FBXW7: variants seen among roughly 807,000 people sequenced by gnomAD.
FBXW7 encodes F-box/WD repeat-containing protein 7.
A neutral mutation model predicts 86.3 loss-of-function variants in FBXW7; 11 were observed. That is an observed-to-expected ratio of 0.13 (90% CI 0.08 to 0.21). FBXW7 has a LOEUF of 0.21. FBXW7 is among the 10% of genes least tolerant of loss of function. The probability of loss-of-function intolerance (pLI) is 1.00; values close to 1 mark genes in which losing one functional copy is unlikely to be tolerated. For synonymous variants in FBXW7, 313 were observed against 297.9 expected (o/e 1.05, Z -0.52); for missense variants, 488 against 847.4 (o/e 0.58, Z 5.27).
intron 3 of FBXW7, 102 bp from the exon 4 acceptor site, chr4:152,411,974 A>G (rs1579128662): frequency 9.1e-7 from 1 of 1,097,220 alleles, no homozygotes; most frequent in Non-Finnish European, 1.2e-6. Context: ...ATGATTGCAA[A>G]AAAGTATTGA....
At chr4:152,415,967 A>C (rs543239837) in intron 2 of FBXW7, among the ~76,000 whole-genome samples, 16 of 152,140 alleles carry the variant, frequency 1.1e-4, no homozygotes, top group African/African-American at 3.4e-4. Flanking sequence ...TCCTGACTTT[A>C]CTCATTTCCA....
At chr4:152,457,665 A>G (rs1426940201) in intron 2 of FBXW7, among the ~76,000 whole-genome samples, 11 of 148,664 alleles carry the variant, frequency 7.4e-5, no homozygotes, top group Non-Finnish European at 1.5e-5. Flanking sequence ...AAAAAAAAAA[A>G]GAACTCAATA....
At chr4:152,370,455 T>C (rs540666697) in intron 4 of FBXW7, among the ~76,000 whole-genome samples, 23 of 152,100 alleles carry the variant, frequency 1.5e-4, no homozygotes, top group African/African-American at 5.3e-4. Flanking sequence ...TGGGGAGTGC[T>C]ACCTTTACTT....
intron 4 of FBXW7, among the ~76,000 whole-genome samples, chr4:152,381,790 TTGGAACACTTTTTAACG>T (rs1252894263): frequency 6.6e-6 from 1 of 152,142 alleles, no homozygotes; most frequent in East Asian, 1.9e-4. Context: ...GCCTAAGGAT[TTGGAACACTTTTTAACG>T]AATGAAATGC....
intron 4 of FBXW7, among the ~76,000 whole-genome samples, chr4:152,400,140 T>C (rs1055719481): frequency 4.6e-5 from 7 of 152,206 alleles, no homozygotes; most frequent in East Asian, 1.9e-4. Flanking sequence ...GACCAGAATA[T>C]GGTACAGTGA....
At chr4:152,339,481 G>T (rs1011200380) in intron 6 of FBXW7, among the ~76,000 whole-genome samples, 1 of 152,038 alleles carries the variant, frequency 6.6e-6, no homozygotes, top group Non-Finnish European at 1.5e-5. Context: ...TCTCCATTTG[G>T]TATCAATAGA....
intron 2 of FBXW7, among the ~76,000 whole-genome samples, chr4:152,459,118 T>C (rs1336420900): frequency 6.6e-6 from 1 of 152,190 alleles, no homozygotes; most frequent in Non-Finnish European, 1.5e-5. Flanking sequence ...AGTGGTGTTC[T>C]CTACTGTCTA....
chr4:152,457,011 A>G (rs746749296), intron 2 of FBXW7, among the ~76,000 whole-genome samples: 17 of 152,242 alleles, frequency 1.1e-4, no homozygotes, highest in Non-Finnish European at 2.2e-4. Flanking sequence ...TGTACTATAT[A>G]CTAAAAATGA....
intron 4 of FBXW7, among the ~76,000 whole-genome samples, chr4:152,387,607 TAA>T (rs140171187): frequency 0.012 from 1,523 of 129,208 alleles, 16 homozygotes; most frequent in Middle Eastern, 0.039. Flanking sequence ...GCAAAAACTG[TAA>T]AAAAAAAAAA....
chr4:152,334,052 TCAACAACAA>T (rs573332703), intron 7 of FBXW7, among the ~76,000 whole-genome samples: 34 of 151,550 alleles, frequency 2.2e-4, no homozygotes, highest in African/African-American at 7.3e-4. Context: ...AGATTCTGTC[TCAACAACAA>T]CAACAACAAC....
intron 12 of FBXW7, chr4:152,325,346 T>C (rs942193796): frequency 2.6e-5 from 4 of 152,358 alleles, no homozygotes; most frequent in African/African-American, 7.2e-5. Flanking sequence ...ATAAACTATA[T>C]AAGCTATAGG....
chr4:152,366,577 T>G (rs182416790), intron 4 of FBXW7, among the ~76,000 whole-genome samples: 1 of 152,230 alleles, frequency 6.6e-6, no homozygotes, highest in Non-Finnish European at 1.5e-5. Flanking sequence ...AAAACCACAA[T>G]GAGATACCAT....
intron 2 of FBXW7, among the ~76,000 whole-genome samples, chr4:152,506,644 G>A (rs1747453884): frequency 6.6e-6 from 1 of 152,206 alleles, no homozygotes; most frequent in Non-Finnish European, 1.5e-5. Context: ...ATATTGCACA[G>A]AAGATGAATA....
chr4:152,359,417 A>G (rs1286964711), intron 4 of FBXW7, among the ~76,000 whole-genome samples: 1 of 152,112 alleles, frequency 6.6e-6, no homozygotes, highest in Non-Finnish European at 1.5e-5. Context: ...CCTGGGCAAT[A>G]TAGCAAGACC....
At chr4:152,375,008 T>C (rs539094718) in intron 4 of FBXW7, among the ~76,000 whole-genome samples, 47 of 152,250 alleles carry the variant, frequency 3.1e-4, no homozygotes, top group African/African-American at 1.1e-3. Context: ...TGAAATCCCT[T>C]TTAGTCATCA....
chr4:152,527,919 CAT>C (rs1490861414), intron 2 of FBXW7, among the ~76,000 whole-genome samples: 12 of 151,606 alleles, frequency 7.9e-5, no homozygotes, highest in Non-Finnish European at 1.3e-4. Flanking sequence ...TACACACACA[CAT>C]ACATTCTTCC....
At chr4:152,347,300 G>C (rs1057367339) in intron 5 of FBXW7, among the ~76,000 whole-genome samples, 1 of 152,102 alleles carries the variant, frequency 6.6e-6, no homozygotes. Flanking sequence ...TATTATCCCA[G>C]AAATGCTAAT....
At chr4:152,422,300 T>A (rs72955054) in intron 2 of FBXW7, among the ~76,000 whole-genome samples, 11 of 152,302 alleles carry the variant, frequency 7.2e-5, no homozygotes, top group African/African-American at 2.4e-4. Flanking sequence ...TTAACTGGCT[T>A]CAAGATATGT....
intron 4 of FBXW7, among the ~76,000 whole-genome samples, chr4:152,384,079 A>C (rs1009849087): frequency 1.3e-5 from 2 of 152,178 alleles, no homozygotes; most frequent in Admixed American, 6.6e-5. Flanking sequence ...CCTTGGCGGC[A>C]ATGTGAAATG....
Sources: gnomAD v4.1 joint callset for allele counts (sites outside exome capture counted in the v4.1 genomes callset) on GRCh38, gnomAD v4.1.1 for gene constraint, MANE v1.5 for transcripts, NCBI Gene and HGNC (gene_info 2026-07-23, HGNC 2026-07-21) for gene names.